The following MNAT1 variants were observed in gnomAD, a reference collection of about 807,000 sequenced individuals.
The protein encoded by MNAT1 is MNAT1 component of CDK activating kinase.
In MNAT1, 43 loss-of-function variants were observed where a neutral mutation model predicts 42.0. The ratio of observed to expected loss-of-function variants is 1.02; its 90% confidence interval spans 0.80 to 1.32. MNAT1 has a LOEUF of 1.32. MNAT1 is among the 40% of genes most tolerant of loss of function. MNAT1 has a pLI of 0.00. For missense variants in MNAT1, 306 were observed against 350.4 expected (o/e 0.87, Z 1.01); for synonymous variants, 118 against 120.0 (o/e 0.98, Z 0.11).
At chr14:60,737,078 T>A (rs1476193968) in intron 1 of MNAT1, among the ~76,000 whole-genome samples, 2 of 152,182 alleles carry the variant, frequency 1.3e-5, no homozygotes, top group African/African-American at 4.8e-5. Flanking sequence ...TGTTGTCTAA[T>A]TAATCATCCT....
intron 7 of MNAT1, among the ~76,000 whole-genome samples, chr14:60,923,033 G>T (rs1312602743): frequency 3.3e-5 from 5 of 152,132 alleles, no homozygotes; most frequent in African/African-American, 1.2e-4. Context: ...CTTGGGAATG[G>T]TACTTTACTA....
intron 1 of MNAT1, among the ~76,000 whole-genome samples, chr14:60,758,417 G>T (rs748571071): frequency 1.3e-5 from 2 of 151,816 alleles, no homozygotes; most frequent in Non-Finnish European, 2.9e-5. Context: ...TGCCCAGGTT[G>T]GTCTCGAACT....
At chr14:60,814,567 T>C (rs950973912) in intron 5 of MNAT1, among the ~76,000 whole-genome samples, 3 of 152,142 alleles carry the variant, frequency 2.0e-5, no homozygotes, top group Non-Finnish European at 2.9e-5. Context: ...GGGGAAAATA[T>C]GTATATATGT....
chr14:60,806,419 G>A (rs1460298100), intron 3 of MNAT1, among the ~76,000 whole-genome samples: 1 of 152,222 alleles, frequency 6.6e-6, no homozygotes, highest in African/African-American at 2.4e-5. Flanking sequence ...ATGGGAAAGT[G>A]TAGGGGCATA....
At chr14:60,868,409 C>T (rs1594816479) in intron 6 of MNAT1, among the ~76,000 whole-genome samples, 1 of 152,152 alleles carries the variant, frequency 6.6e-6, no homozygotes, top group South Asian at 2.1e-4. Context: ...TTAAAGCTAC[C>T]AGAATGAAAT....
In MNAT1 at chr14:60,796,376, A is replaced by G. The variant is rs769781479; in HGVS notation, c.242+7A>G. On this transcript the variant is annotated splice_region_variant and intron_variant, in intron 2 of 7. Coordinates refer to ENST00000261245, the MANE Select transcript of MNAT1 (RefSeq NM_002431.4). The stretch of plus-strand genomic sequence containing the variant: ...GGAAAAAAGTGCTAAAGATGTAAGT[A>G]TTCCTGCTCGAATGATTCAGTCAAC... The G allele has an allele frequency of 5.0e-6, 8 of 1,605,744 alleles. No individual in the cohort carries two copies. The East Asian group carries it at 1.8e-4, about 36-fold the overall frequency.
At chr14:60,889,519 A>G (rs1244052791) in intron 7 of MNAT1, among the ~76,000 whole-genome samples, 1 of 152,222 alleles carries the variant, frequency 6.6e-6, no homozygotes, top group African/African-American at 2.4e-5. Context: ...CCTAGGCAAT[A>G]CCATTGAGGA....
intron 1 of MNAT1, among the ~76,000 whole-genome samples, chr14:60,792,728 C>T (rs944187959): frequency 6.6e-5 from 10 of 151,964 alleles, no homozygotes; most frequent in South Asian, 2.1e-4. Context: ...AAAATTTTGA[C>T]GAGAATATTC....
At chr14:60,799,673 G>A (rs536600402) in intron 3 of MNAT1, among the ~76,000 whole-genome samples, 102 of 151,490 alleles carry the variant, frequency 6.7e-4, no homozygotes, top group South Asian at 5.8e-3. Flanking sequence ...CTGGGATTAA[G>A]ATTCTGACTG....
intron 6 of MNAT1, among the ~76,000 whole-genome samples, chr14:60,821,954 A>G (rs2032902281): frequency 6.6e-6 from 1 of 152,208 alleles, no homozygotes; most frequent in Non-Finnish European, 1.5e-5. Context: ...TGTACAGCCA[A>G]AATAAAAAAA....
At chr14:60,888,141 AC>A (rs2034727984) in intron 7 of MNAT1, among the ~76,000 whole-genome samples, 1 of 140,650 alleles carries the variant, frequency 7.1e-6, no homozygotes, top group Admixed American at 7.2e-5. Context: ...CAGAGACACA[AC>A]CAAAAAAGAG....
At chr14:60,804,221 C>G (rs1286374779) in intron 3 of MNAT1, among the ~76,000 whole-genome samples, 1 of 152,158 alleles carries the variant, frequency 6.6e-6, no homozygotes, top group African/African-American at 2.4e-5. Context: ...AACATCTAAG[C>G]TAAACCAGTA....
At chr14:60,898,399 T>G (rs1360121699) in intron 7 of MNAT1, among the ~76,000 whole-genome samples, 1 of 152,128 alleles carries the variant, frequency 6.6e-6, no homozygotes, top group Non-Finnish European at 1.5e-5. Flanking sequence ...AGAATCCTCT[T>G]TTCTCTGTAT....
chr14:60,795,321 C>G (rs973447031), intron 1 of MNAT1, among the ~76,000 whole-genome samples: 1 of 152,072 alleles, frequency 6.6e-6, no homozygotes, highest in Non-Finnish European at 1.5e-5. Context: ...TAGTATGGAT[C>G]TGTTGGGGTA....
At chr14:60,845,669 A>G (rs2033663547) in intron 6 of MNAT1, among the ~76,000 whole-genome samples, 1 of 152,252 alleles carries the variant, frequency 6.6e-6, no homozygotes, top group East Asian at 1.9e-4. Flanking sequence ...GCCTTGTGAT[A>G]GTTGATAGTT....
At chr14:60,856,293 T>G (rs1206253737) in intron 6 of MNAT1, among the ~76,000 whole-genome samples, 2 of 152,254 alleles carry the variant, frequency 1.3e-5, no homozygotes, top group East Asian at 1.9e-4. Context: ...GGAGAAAGTT[T>G]CAGTGGTCTG....
chr14:60,912,276 G>C (rs369622248), intron 7 of MNAT1, among the ~76,000 whole-genome samples: 1 of 151,900 alleles, frequency 6.6e-6, no homozygotes, highest in Non-Finnish European at 1.5e-5. Context: ...TCTTTATCCA[G>C]TTTGCCAGTG....
chr14:60,923,716 C>T (rs1488386084), intron 7 of MNAT1, among the ~76,000 whole-genome samples: 3 of 152,072 alleles, frequency 2.0e-5, no homozygotes, highest in Non-Finnish European at 2.9e-5. Flanking sequence ...CGGTGGCTCA[C>T]GCCTGTAATC....
chr14:60,866,449 A>C (rs1223139773), intron 6 of MNAT1, among the ~76,000 whole-genome samples: 1 of 151,922 alleles, frequency 6.6e-6, no homozygotes, highest in Non-Finnish European at 1.5e-5. Flanking sequence ...AATGTTTCAC[A>C]TGTGGAACTA....
Sources: allele counts gnomAD v4.1 joint callset (sites outside exome capture counted in the v4.1 genomes callset), GRCh38; gene constraint gnomAD v4.1.1; transcripts MANE v1.5; gene names NCBI Gene and HGNC (gene_info 2026-07-23, HGNC 2026-07-21).